Variants in GRM1 observed in about 807,000 individuals in gnomAD.
The protein encoded by GRM1 is glutamate metabotropic receptor 1, also known as metabotropic glutamate receptor 1.
A neutral mutation model predicts 90.9 loss-of-function variants in GRM1; 33 were observed. That is an observed-to-expected ratio of 0.36 (90% confidence interval 0.28 to 0.49). The LOEUF (loss-of-function observed/expected upper bound fraction) is 0.49, where lower values mean the gene tolerates loss of function less well. Among genes scored for constraint, GRM1 ranks in the 20% least tolerant of loss-of-function variants. GRM1 has a pLI of 0.99. For synonymous variants in GRM1, 700 were observed against 613.2 expected (o/e 1.14, Z -2.09); for missense variants, 1,190 against 1,534.3 (o/e 0.78, Z 3.75).
intron 3 of GRM1, among the ~76,000 whole-genome samples, chr6:146,349,211 C>T (rs750403048): frequency 3.3e-5 from 5 of 150,070 alleles, no homozygotes; most frequent in East Asian, 1.9e-4. Context: ...GGACTACAGG[C>T]GCCTGCCACC....
At chr6:146,352,770 C>T (rs943040039) in intron 4 of GRM1, among the ~76,000 whole-genome samples, 1 of 152,188 alleles carries the variant, frequency 6.6e-6, no homozygotes, top group African/African-American at 2.4e-5. Flanking sequence ...TTCCAGAATG[C>T]TTGGGACCTT....
chr6:146,220,413 C>A (rs1186204846), intron 2 of GRM1, among the ~76,000 whole-genome samples: 1 of 152,012 alleles, frequency 6.6e-6, no homozygotes, highest in Non-Finnish European at 1.5e-5. Flanking sequence ...TATTTTTTCA[C>A]AAAAACATTA....
intron 1 of GRM1, among the ~76,000 whole-genome samples, chr6:146,057,573 A>G (rs1582939489): frequency 1.3e-5 from 2 of 152,152 alleles, no homozygotes; most frequent in Admixed American, 6.6e-5. Context: ...GAGATAACAT[A>G]CCAATCAATC....
chr6:146,155,522 A>ATT (rs1777494667), intron 1 of GRM1, among the ~76,000 whole-genome samples: 4 of 152,194 alleles, frequency 2.6e-5, no homozygotes, highest in African/African-American at 9.7e-5. Context: ...GTGTCACATG[A>ATT]CTATATTGAG....
At chr6:146,315,164 C>A (rs1783923737) in intron 3 of GRM1, among the ~76,000 whole-genome samples, 1 of 152,054 alleles carries the variant, frequency 6.6e-6, no homozygotes, top group Non-Finnish European at 1.5e-5. Flanking sequence ...AGCCTGGGAA[C>A]TACTGCAAGA....
intron 2 of GRM1, among the ~76,000 whole-genome samples, chr6:146,236,929 C>T (rs1780666972): frequency 6.6e-6 from 1 of 152,046 alleles, no homozygotes; most frequent in Admixed American, 6.6e-5. Context: ...TCAAACTCCC[C>T]AAGTGTTTTT....
At chr6:146,359,383 A>G (rs1328243067) in intron 5 of GRM1, among the ~76,000 whole-genome samples, 1 of 152,204 alleles carries the variant, frequency 6.6e-6, no homozygotes, top group Admixed American at 6.5e-5. Context: ...AGCCCTGAGC[A>G]CATGCACTTC....
intron 1 of GRM1, among the ~76,000 whole-genome samples, chr6:146,040,882 A>C (rs575351996): frequency 6.6e-6 from 1 of 151,348 alleles, no homozygotes; most frequent in South Asian, 2.1e-4. Context: ...TGACTCTTAG[A>C]TTTGCCTTTT....
intron 1 of GRM1, among the ~76,000 whole-genome samples, chr6:146,145,021 G>A (rs1777034262): frequency 6.6e-6 from 1 of 152,212 alleles, no homozygotes; most frequent in Non-Finnish European, 1.5e-5. Context: ...TCCAACTTAA[G>A]AGTAATGATC....
chr6:146,055,884 C>T (rs1046737289), intron 1 of GRM1, among the ~76,000 whole-genome samples: 1 of 152,134 alleles, frequency 6.6e-6, no homozygotes, highest in South Asian at 2.1e-4. Context: ...TATTTATACA[C>T]ATATGCTTAT....
intron 1 of GRM1, among the ~76,000 whole-genome samples, chr6:146,151,969 T>C (rs1423122557): frequency 1.3e-5 from 2 of 152,188 alleles, no homozygotes. Context: ...ATAACTAAGA[T>C]AAAAATTAAG....
chr6:146,226,461 G>A (rs970019125), intron 2 of GRM1, among the ~76,000 whole-genome samples: 5 of 152,114 alleles, frequency 3.3e-5, no homozygotes, highest in Admixed American at 1.3e-4. Flanking sequence ...ATCTGAGCAA[G>A]TAAACTCCCT....
rs370078805 is a variant in GRM1 at position 146,247,779 on chromosome 6, G to GGTGT, written c.951-56809_951-56806dup. Among the ~76,000 whole-genome samples, 1,246 of 137,036 alleles carry GGTGT rather than the reference G, an allele frequency of 9.1e-3. 45 individuals carry two copies. Among genetic ancestry groups the GGTGT allele is most frequent in the East Asian group, 0.073 (353 of 4,842 alleles). The allele number at this position is 137,036 out of a possible 152,430, so 89.9% of individuals were successfully genotyped here. A position where few individuals can be genotyped will look rare whatever the true frequency, so the allele number is the denominator to read the frequency against. On this transcript the variant is annotated intron_variant, in intron 2 of 7. Transcript: ENST00000282753. The stretch of plus-strand genomic sequence containing the variant: ...AAAAAAAAAAAAAGGAAATGTGTGT[G>GGTGT]GTGTGTGTGTGTGTGTGTGTGTGTG...
chr6:146,073,717 T>C (rs1346937975), intron 1 of GRM1, among the ~76,000 whole-genome samples: 1 of 152,082 alleles, frequency 6.6e-6, no homozygotes, highest in African/African-American at 2.4e-5. Flanking sequence ...AAGTGATAAT[T>C]AAAATGGCCA....
At chr6:146,345,873 T>G (rs1019661713) in intron 3 of GRM1, among the ~76,000 whole-genome samples, 3 of 152,230 alleles carry the variant, frequency 2.0e-5, no homozygotes, top group East Asian at 1.9e-4. Flanking sequence ...TGTAGCATAC[T>G]CTGTCTCTGT....
chr6:146,369,699 A>AT (rs1222356645), intron 5 of GRM1, among the ~76,000 whole-genome samples: 3 of 151,516 alleles, frequency 2.0e-5, no homozygotes, highest in Non-Finnish European at 3.0e-5. Context: ...TATAATTTTG[A>AT]TTTTTTTTCT....
chr6:146,244,210 T>G (rs1303722096), intron 2 of GRM1, among the ~76,000 whole-genome samples: 1 of 152,162 alleles, frequency 6.6e-6, no homozygotes, highest in Non-Finnish European at 1.5e-5. Context: ...ATTAAGAGAT[T>G]AAAGTAAAGA....
rs543522039 is a variant in GRM1, at chr6:146,240,494, A to C, written c.951-64117A>C. Among the ~76,000 whole-genome samples the C allele has an allele frequency of 2.6e-5, 4 of 152,036 alleles. No homozygotes were observed. In the East Asian group the frequency reaches 7.8e-4, roughly 30 times the overall value. On this transcript the variant is annotated intron_variant, in intron 2 of 7. Transcript: ENST00000282753. ...GCAGGAGCTGAATCCAAATGAGAGG[A>C]ACAGAGCTACTGGCCAGACTGCAGC...
rs928972655 is a variant in GRM1, at chr6:146,424,301, A to G, written c.2661-9571A>G. On this transcript the variant is annotated intron_variant, in intron 7 of 7. Transcript: ENST00000282753. The stretch of plus-strand genomic sequence containing the variant: ...ATTGCCTTGAGATAGTACAGGGCAC[A>G]TATATCAGACCCTGATCTTGTCGGG... Among the ~76,000 whole-genome samples, 8 of 152,334 alleles carry G rather than the reference A, an allele frequency of 5.3e-5. No individual in the cohort carries two copies. In the East Asian group the frequency reaches 1.5e-3, roughly 29 times the overall value.
Sources: allele counts gnomAD v4.1 joint callset (sites outside exome capture counted in the v4.1 genomes callset), GRCh38; gene constraint gnomAD v4.1.1; transcripts MANE v1.5; gene names NCBI Gene and HGNC (gene_info 2026-07-23, HGNC 2026-07-21).